Variants in TTC28 observed in about 807,000 individuals in gnomAD.
TTC28 encodes tetratricopeptide repeat protein 28.
Under a neutral mutation model 198.0 loss-of-function variants are expected in TTC28, and 61 were observed. The observed-to-expected ratio is 0.31, with a 90% CI of 0.25 to 0.38. The LOEUF is 0.38. TTC28 is among the 10% of genes least tolerant of loss of function. The pLI is 1.00. For synonymous variants in TTC28, 1,171 were observed against 1,297.8 expected, an observed-to-expected ratio of 0.90 and a Z score of 2.10; for missense variants, 2,678 against 3,164.0, an observed-to-expected ratio of 0.85 and a Z score of 3.69.
At chr22:28,084,905 G>A (rs538365546) in intron 12 of TTC28, among the ~76,000 whole-genome samples, 2 of 152,230 alleles carry the variant, frequency 1.3e-5, no homozygotes, top group African/African-American at 4.8e-5. Flanking sequence ...GGAAGAAAGG[G>A]TATCAGTGAT....
At chr22:28,656,020 ATT>A (rs1265163985) in intron 1 of TTC28, among the ~76,000 whole-genome samples, 1 of 152,214 alleles carries the variant, frequency 6.6e-6, no homozygotes. Context: ...TAATACAAGA[ATT>A]TGTTAACTGA....
intron 3 of TTC28, among the ~76,000 whole-genome samples, chr22:28,299,197 T>C (rs1456367112): frequency 6.6e-6 from 1 of 152,024 alleles, no homozygotes; most frequent in Admixed American, 6.6e-5. Flanking sequence ...TATTATTAGC[T>C]TTCCTGAAAA....
chr22:28,167,651 G>A (rs1416209168), intron 5 of TTC28, among the ~76,000 whole-genome samples: 1 of 152,160 alleles, frequency 6.6e-6, no homozygotes, highest in Non-Finnish European at 1.5e-5. Flanking sequence ...CTATAAATTA[G>A]GTACTGATGG....
chr22:28,394,096 T>A (rs1246216099), intron 2 of TTC28, among the ~76,000 whole-genome samples: 1 of 152,176 alleles, frequency 6.6e-6, no homozygotes, highest in African/African-American at 2.4e-5. Context: ...CTCTTTTTTG[T>A]GCATTTTTAA....
At chr22:28,675,852 A>G (rs1484778257) in intron 1 of TTC28, among the ~76,000 whole-genome samples, 5 of 151,926 alleles carry the variant, frequency 3.3e-5, no homozygotes, top group South Asian at 4.1e-4. Context: ...TGGGAGGCTG[A>G]GGTGAGAGGA....
chr22:28,456,803 T>A (rs1331647880), intron 2 of TTC28, among the ~76,000 whole-genome samples: 2 of 151,484 alleles, frequency 1.3e-5, no homozygotes, highest in African/African-American at 4.9e-5. Flanking sequence ...CTCAATCTCT[T>A]GACCTCGTGA....
chr22:28,249,185 C>G (rs1930337684), intron 5 of TTC28, among the ~76,000 whole-genome samples: 1 of 152,100 alleles, frequency 6.6e-6, no homozygotes, highest in Non-Finnish European at 1.5e-5. Context: ...TGTTTCAAAT[C>G]CCCACTCTGT....
chr22:28,626,882 TATA>T (rs1644058043), intron 2 of TTC28, among the ~76,000 whole-genome samples: 2 of 152,108 alleles, frequency 1.3e-5, no homozygotes, highest in Non-Finnish European at 2.9e-5. Context: ...ATTTTTTGTC[TATA>T]ATAATAAAAG....
At chr22:28,157,742 C>T (rs555675734) in intron 6 of TTC28, among the ~76,000 whole-genome samples, 100 of 152,134 alleles carry the variant, frequency 6.6e-4, no homozygotes, top group African/African-American at 2.1e-3. Flanking sequence ...CTCAAAAAAA[C>T]GGGATATAGA....
At chr22:28,144,821 G>A (rs135645) in intron 6 of TTC28, among the ~76,000 whole-genome samples, 3,001 of 152,296 alleles carry the variant, frequency 0.02, 30 homozygotes, top group Non-Finnish European at 0.026. Flanking sequence ...CTGCTGCAGG[G>A]GAATATGCGA....
intron 12 of TTC28, among the ~76,000 whole-genome samples, chr22:28,075,936 C>T (rs918154629): frequency 6.6e-6 from 1 of 152,130 alleles, no homozygotes; most frequent in Non-Finnish European, 1.5e-5. Flanking sequence ...ACTGTAAGGC[C>T]AAGAATTCCA....
intron 2 of TTC28, among the ~76,000 whole-genome samples, chr22:28,356,921 G>A (rs1260787866): frequency 6.6e-6 from 1 of 152,146 alleles, no homozygotes; most frequent in Non-Finnish European, 1.5e-5. Flanking sequence ...ACCTCCTTCT[G>A]AGCATGAGAC....
chr22:28,650,707 T>C (rs2051550914), intron 1 of TTC28, among the ~76,000 whole-genome samples: 1 of 152,158 alleles, frequency 6.6e-6, no homozygotes, highest in African/African-American at 2.4e-5. Context: ...TATACAAGCA[T>C]AGGATTCTAA....
intron 2 of TTC28, among the ~76,000 whole-genome samples, chr22:28,556,735 C>T (rs1329641260): frequency 6.6e-6 from 1 of 152,212 alleles, no homozygotes; most frequent in African/African-American, 2.4e-5. Context: ...TATGAGGCTG[C>T]AGCTGAGATG....
chr22:28,559,801 G>C, intron 2 of TTC28, among the ~76,000 whole-genome samples: 1 of 152,074 alleles, frequency 6.6e-6, no homozygotes, highest in East Asian at 1.9e-4. Context: ...TCTGAATGTT[G>C]AAGTGCCACA....
intron 19 of TTC28, among the ~76,000 whole-genome samples, chr22:27,991,897 G>A (rs1279145053): frequency 1.3e-5 from 2 of 152,242 alleles, no homozygotes; most frequent in Non-Finnish European, 2.9e-5. Flanking sequence ...GCTAAGCAGT[G>A]TCTTGCATGA....
intron 13 of TTC28, chr22:28,029,000 A>T (rs1211041143): frequency 2.1e-6 from 1 of 471,012 alleles, no homozygotes; most frequent in African/African-American, 2.0e-5. Flanking sequence ...GTTTATCACC[A>T]CAGCCTGCAT....
chr22:28,365,832 C>T (rs2046238107), intron 2 of TTC28, among the ~76,000 whole-genome samples: 1 of 152,118 alleles, frequency 6.6e-6, no homozygotes, highest in Non-Finnish European at 1.5e-5. Context: ...AGTACCAAAA[C>T]TGAATCCAGT....
chr22:28,288,573 T>C (rs2044730552), intron 5 of TTC28, among the ~76,000 whole-genome samples: 1 of 151,762 alleles, frequency 6.6e-6, no homozygotes. Context: ...TTTGAGAGAC[T>C]GAGGCAGGCG....
Sources: allele counts gnomAD v4.1 joint callset (sites outside exome capture counted in the v4.1 genomes callset), GRCh38; gene constraint gnomAD v4.1.1; transcripts MANE v1.5; gene names NCBI Gene and HGNC (gene_info 2026-07-23, HGNC 2026-07-21).